Variants in IRF5 observed in about 807,000 individuals in gnomAD.
IRF5 encodes interferon regulatory factor 5.
A neutral mutation model predicts 55.1 loss-of-function variants in IRF5; 24 were observed. The ratio of observed to expected loss-of-function variants is 0.44; its 90% CI spans 0.32 to 0.61. IRF5 has a LOEUF of 0.61. Among genes scored for constraint, IRF5 ranks in the 20% least tolerant of loss-of-function variants. The probability of loss-of-function intolerance (pLI) is 0.07; values close to 1 mark genes in which losing one functional copy is unlikely to be tolerated. For missense variants in IRF5, 499 were observed against 658.5 expected (o/e 0.76, Z 2.65); for synonymous variants, 258 against 260.2 (o/e 0.99, Z 0.08).
At chr7:128,940,600 AGT>A (rs1388993562) in intron 1 of IRF5, 2 of 153,310 alleles carry the variant, frequency 1.3e-5, no homozygotes, top group East Asian at 3.7e-4. Context: ...CTCAGCCCAC[AGT>A]GAGTCTGGTT....
chr7:128,939,115 G>A (rs912358843), intron 1 of IRF5, among the ~76,000 whole-genome samples: 11 of 151,970 alleles, frequency 7.2e-5, no homozygotes, highest in African/African-American at 2.7e-4. Flanking sequence ...CCAGAATGGG[G>A]ATAAGTGACC....
Position 128,947,357 on chromosome 7 carries a change from C to T in IRF5, c.609C>T (p.Pro203=), listed in dbSNP as rs567430670. The T allele has an allele frequency of 1.6e-4, 261 of 1,608,772 alleles. 4 individuals carry two copies. The South Asian group carries it at 2.6e-3, about 16-fold the overall frequency. The change falls in exon 6 of 9, where the codon CCC becomes CCT. Residue 203 remains proline, a synonymous_variant. Coordinates refer to ENST00000357234, the MANE Select transcript of IRF5 (RefSeq NM_001098629.3). The surrounding 1 kb of genome is among the most constrained non-coding windows in gnomAD (Gnocchi z 6.5). The stretch of plus-strand genomic sequence containing the variant: ...TGCAGCCGCCCACTCTGCAGCCGCC[C>T]GTGGTGCTGGGTCCCCCTGCTCCAG... ...PTLQPPTLQP[P]VVLGPPAPDP...
chr7:128,942,497 G>C (rs963255510), intron 2 of IRF5, among the ~76,000 whole-genome samples: 29 of 151,572 alleles, frequency 1.9e-4, no homozygotes, highest in Non-Finnish European at 1.3e-4. Flanking sequence ...CTGTAGCCCA[G>C]GCTGGAGTGC....
intron 2 of IRF5, among the ~76,000 whole-genome samples, chr7:128,945,146 C>T (rs528103128): frequency 8.5e-5 from 13 of 152,274 alleles, no homozygotes; most frequent in South Asian, 2.1e-4. Flanking sequence ...TAGGGTATCA[C>T]TCTGTCGTCC....
chr7:128,940,001 C>A (rs1228191155), intron 1 of IRF5, among the ~76,000 whole-genome samples: 1 of 152,194 alleles, frequency 6.6e-6, no homozygotes. Flanking sequence ...AGGATGGATG[C>A]TGTTCGGGTT....
At position 128,945,900 on chromosome 7, in the gene IRF5, C is replaced by A; in HGVS notation, c.251C>A (p.Ala84Asp). 6.2e-7 allele frequency: 1 copy of A among 1,613,636 alleles called. No homozygotes were observed. The highest frequency in any genetic ancestry group is 8.5e-7 in the Non-Finnish European group (1 of 1,179,874). The change falls in exon 3 of 9, where the codon GCC becomes GAC. Residue 84 changes from alanine (A) to aspartate (D), a missense_variant. Ala to Asp is a moderately radical substitution (Grantham distance 126, BLOSUM62 -2). Coordinates refer to ENST00000357234, the MANE Select transcript of IRF5 (RefSeq NM_001098629.3). Reference protein sequence around the residue: ...YTEGVDEADPAKWKANLRCAL... With the variant: ...YTEGVDEADPDKWKANLRCAL... ...GAAGGCGTGGATGAAGCCGATCCGG[C>A]CAAGTGGAAGGCCAACCTGCGCTGT...
chr7:128,942,090 G>T lies in IRF5; in HGVS notation c.9G>T (p.Gln3His). Residue 3 changes from glutamine to histidine, a missense_variant, in exon 2 of 9, where the codon CAG becomes CAT. By Grantham distance (24) the Gln-to-His change is conservative. This residue lies in a region of IRF5 where 305 missense variants were observed against 340.2 expected (regional missense o/e 0.90). Coordinates refer to ENST00000357234, the MANE Select transcript of IRF5 (RefSeq NM_001098629.3). ...CTGCAGACCCCTCTGCCATGAACCAGTCCATCCCAGTGGCTCCCACCCCAC... is the reference window on the plus strand; with the variant it reads ...CTGCAGACCCCTCTGCCATGAACCATTCCATCCCAGTGGCTCCCACCCCAC... MN[Q>H]SIPVAPTPPR... 6.2e-7 allele frequency: 1 copy of T among 1,607,582 alleles called. No individual in the cohort carries two copies. The highest frequency in any genetic ancestry group is 1.3e-5 in the African/African-American group (1 of 74,940).
Position 128,948,684 on chromosome 7 carries a change from G to A in IRF5, c.1411G>A (p.Val471Met). Residue 471 changes from valine to methionine, a missense_variant, in exon 9 of 9, where the codon GTG (valine) becomes ATG (methionine). Coordinates refer to ENST00000357234, the MANE Select transcript of IRF5 (RefSeq NM_001098629.3). The surrounding 1 kb of genome is among the most constrained non-coding windows in gnomAD (Gnocchi z 4.6). ...ISNPDLKDRM[V>M]EQFKELHHIW... is the part of the protein sequence containing the mutation. ...AAACCCAGACCTCAAAGACCGCATG[G>A]TGGAGCAATTCAAGGAGCTCCATCA... 1.1e-5 allele frequency: 18 copies of A among 1,614,220 alleles called. No homozygotes were observed. Among genetic ancestry groups the A allele is most frequent in the Non-Finnish European group, 1.5e-5 (18 of 1,180,038 alleles).
rs182105618 is a variant in IRF5 at position 128,946,321 on chromosome 7, A to G, written c.386-180A>G. On this transcript the variant is annotated intron_variant, in intron 3 of 8. Coordinates refer to ENST00000357234, the MANE Select transcript of IRF5 (RefSeq NM_001098629.3). The surrounding 1 kb of genome is among the most constrained non-coding windows in gnomAD (Gnocchi z 4.2). ...GGCTCCAGCCTAGGTCTCATGGCCCATGGAGTCGGGGAGGTCTTTCCCAAT... is the reference window on the plus strand; with the variant it reads ...GGCTCCAGCCTAGGTCTCATGGCCCGTGGAGTCGGGGAGGTCTTTCCCAAT... 2.0e-5 allele frequency among the ~76,000 whole-genome samples: 3 copies of G among 152,254 alleles called. No individual in the cohort carries two copies. Among genetic ancestry groups the G allele is most frequent in the African/African-American group, 4.8e-5 (2 of 41,528 alleles).
At chr7:128,942,779 A>C (rs993789173) in intron 2 of IRF5, among the ~76,000 whole-genome samples, 1 of 152,164 alleles carries the variant, frequency 6.6e-6, no homozygotes, top group Non-Finnish European at 1.5e-5. Flanking sequence ...GCCAACGATC[A>C]TCATCTTTCT....
chr7:128,948,521 T>G lies in IRF5; in HGVS notation c.1300-52T>G, dbSNP rs1199332387. The G allele has an allele frequency of 3.1e-6, 5 of 1,605,188 alleles. No homozygotes were observed. In the Admixed American group the frequency reaches 8.4e-5, roughly 27 times the overall value. The stretch of plus-strand genomic sequence containing the variant: ...ATGGCTGTCCTCATGCACAGCTGGA[T>G]CTGGCAGCCCTGCCACAGGTCTCCC... On this transcript the variant is annotated intron_variant, in intron 8 of 8. Coordinates refer to ENST00000357234, the MANE Select transcript of IRF5 (RefSeq NM_001098629.3). The surrounding 1 kb of genome is among the most constrained non-coding windows in gnomAD (Gnocchi z 4.6).
intron 2 of IRF5, among the ~76,000 whole-genome samples, chr7:128,942,782 A>G (rs1212806650): frequency 6.6e-6 from 1 of 152,154 alleles, no homozygotes; most frequent in Non-Finnish European, 1.5e-5. Flanking sequence ...AACGATCATC[A>G]TCTTTCTAAA....
intron 2 of IRF5, among the ~76,000 whole-genome samples, chr7:128,944,311 C>T (rs1417930708): frequency 2.0e-5 from 3 of 152,158 alleles, no homozygotes; most frequent in Non-Finnish European, 4.4e-5. Context: ...GTCATGTAGG[C>T]TGTCTTAATG....
chr7:128,946,842 T>G lies in IRF5; in HGVS notation c.448-181T>G. 1.3e-6 allele frequency: 1 copy of G among 761,032 alleles called. No homozygotes were observed. Among genetic ancestry groups the G allele is most frequent in the Non-Finnish European group, 2.2e-6 (1 of 452,858 alleles). The allele number at this position is 761,032 out of a possible 1,614,324, so 47.1% of individuals were successfully genotyped here. Reference sequence around the variant, plus strand: ...ATGAGGAAAGTGAGGCAAAGGGCTTTTCTGACCTGCCTGGGATGGACGAGC... The same window carrying G: ...ATGAGGAAAGTGAGGCAAAGGGCTTGTCTGACCTGCCTGGGATGGACGAGC... On this transcript the variant is annotated intron_variant, in intron 4 of 8. Coordinates refer to ENST00000357234, the MANE Select transcript of IRF5 (RefSeq NM_001098629.3). The surrounding 1 kb of genome is among the most constrained non-coding windows in gnomAD (Gnocchi z 4.2).
rs561155402 is a variant in IRF5, at chr7:128,947,644, G to A, written c.788-85G>A. ...CCTTGGGTGGGAAAAGTGGGAGGGC[G>A]GATGGGGCTGGGCCTGGCCACTGGG... is the stretch of plus-strand genomic sequence containing the variant. On this transcript the variant is annotated intron_variant, in intron 6 of 8. Transcript: ENST00000357234. The surrounding 1 kb of genome is among the most constrained non-coding windows in gnomAD (Gnocchi z 6.5). The A allele has an allele frequency of 1.5e-4, 232 of 1,503,176 alleles. 1 individual carries two copies. The Middle Eastern group carries it at 2.1e-3, about 13-fold the overall frequency. The allele number at this position is 1,503,176 out of a possible 1,614,324, so 93.1% of individuals were successfully genotyped here.
At position 128,948,962 on chromosome 7, in the gene IRF5, AGG is replaced by A. The variant is rs1275597127; in HGVS notation, c.*146_*147del. ...GAAGTGGATTTGGGCCAAGAAGGAG[AGG>A]GAGAAAGGCCCGAGCCCCTGCCTTC... On this transcript the variant is annotated 3_prime_UTR_variant, in exon 9 of 9. Transcript: ENST00000357234. This position sits in a 1 kb window ranked among gnomAD's most constrained non-coding sequence, Gnocchi z 4.6. The A allele has an allele frequency of 3.0e-6, 3 of 989,164 alleles. No individual in the cohort carries two copies. The highest frequency in any genetic ancestry group is 4.4e-6 in the Non-Finnish European group (3 of 687,926). The allele number at this position is 989,164 out of a possible 1,614,324, so 61.3% of individuals were successfully genotyped here.
chr7:128,944,500 A>G (rs1796201963), intron 2 of IRF5, among the ~76,000 whole-genome samples: 1 of 152,212 alleles, frequency 6.6e-6, no homozygotes, highest in South Asian at 2.1e-4. Context: ...TAGGTAATAC[A>G]GTCACAAAAT....
rs1446134580 is a variant in IRF5 at position 128,946,877 on chromosome 7, A to AG, written c.448-144dup. 1 of 963,470 alleles carries AG rather than the reference A, an allele frequency of 1.0e-6. No homozygotes were observed. Among genetic ancestry groups the AG allele is most frequent in the Non-Finnish European group, 1.6e-6 (1 of 612,928 alleles). The allele number at this position is 963,470 out of a possible 1,614,324, so 59.7% of individuals were successfully genotyped here. On this transcript the variant is annotated intron_variant, in intron 4 of 8. Coordinates refer to ENST00000357234, the MANE Select transcript of IRF5 (RefSeq NM_001098629.3). The surrounding 1 kb of genome is among the most constrained non-coding windows in gnomAD (Gnocchi z 4.2). The stretch of plus-strand genomic sequence containing the variant: ...CCTGGGATGGACGAGCTGGGACCGG[A>AG]GGCAGGGTCTTGCCTGAGCTAAACT...
chr7:128,937,773 C>G (rs1795817829), upstream of IRF5: 1 of 151,900 alleles, frequency 6.6e-6, no homozygotes, highest in African/African-American at 2.4e-5. Context: ...ACCGCGCCGT[C>G]TGGCATCTCC....
Sources: gnomAD v4.1 joint callset for allele counts (sites outside exome capture counted in the v4.1 genomes callset) on GRCh38, gnomAD v4.1.1 for gene constraint, gnomAD v4.1.1 regional missense constraint, Gnocchi (gnomAD v3.1) non-coding constraint, MANE v1.5 for transcripts, NCBI Gene and HGNC (gene_info 2026-07-23, HGNC 2026-07-21) for gene names.